RBFOX1: variants seen among roughly 807,000 people sequenced by gnomAD.
RBFOX1 encodes the protein RNA binding protein fox-1 homolog 1.
A neutral mutation model predicts 57.7 loss-of-function variants in RBFOX1; 8 were observed. The observed-to-expected ratio is 0.14, with a 90% CI of 0.08 to 0.25. The LOEUF (loss-of-function observed/expected upper bound fraction) is 0.25. Among genes scored for constraint, RBFOX1 ranks in the 10% least tolerant of loss-of-function variants. RBFOX1 has a pLI of 1.00. For synonymous variants in RBFOX1, 326 were observed against 222.4 expected, an observed-to-expected ratio of 1.47 and a Z score of -4.15; for missense variants, 611 against 548.5, an observed-to-expected ratio of 1.11 and a Z score of -1.14.
At chr16:6,992,831 C>G (rs1288684477) in intron 3 of RBFOX1, among the ~76,000 whole-genome samples, 1 of 86,176 alleles carries the variant, frequency 1.2e-5, no homozygotes, top group Non-Finnish European at 2.4e-5. Context: ...TGATTCCTTC[C>G]TTTTCCAAAA....
In RBFOX1 at chr16:7,091,443, A is replaced by C. The variant is rs181062104; in HGVS notation, c.27+39345A>C. On this transcript the variant is annotated intron_variant, in intron 4 of 15. Transcript: ENST00000550418. ...GAGAAGAGCAACAAGTCAAGTCAAG[A>C]ATTTCTGAGGGATGTTGAAAAGACG... is the stretch of plus-strand genomic sequence containing the variant. 2.0e-5 allele frequency among the ~76,000 whole-genome samples: 3 copies of C among 152,186 alleles called. No individual in the cohort carries two copies. In the East Asian group the frequency reaches 5.8e-4, roughly 29 times the overall value.
intron 2 of RBFOX1, among the ~76,000 whole-genome samples, chr16:6,399,783 T>C (rs2092994798): frequency 6.6e-6 from 1 of 152,100 alleles, no homozygotes; most frequent in Non-Finnish European, 1.5e-5. Context: ...AGAAAAGAGG[T>C]TTAATTGAAT....
chr16:5,254,169 A>G (rs1189631981), intron 1 of RBFOX1, among the ~76,000 whole-genome samples: 2 of 152,238 alleles, frequency 1.3e-5, no homozygotes, highest in Non-Finnish European at 2.9e-5. Flanking sequence ...CAGATGAGAA[A>G]GTTGAGGCTC....
intron 2 of RBFOX1, among the ~76,000 whole-genome samples, chr16:6,610,115 C>T (rs770896207): frequency 1.3e-5 from 2 of 152,092 alleles, no homozygotes; most frequent in African/African-American, 2.4e-5. Context: ...AGGTAGATGA[C>T]ATTCAAAGTG....
intron 4 of RBFOX1, among the ~76,000 whole-genome samples, chr16:5,870,455 G>T (rs921784325): frequency 2.0e-5 from 3 of 151,706 alleles, no homozygotes; most frequent in African/African-American, 7.3e-5. Context: ...ATGATGGGGT[G>T]GGGGAATGGT....
chr16:7,074,193 G>A (rs114504502), intron 4 of RBFOX1, among the ~76,000 whole-genome samples: 69 of 152,284 alleles, frequency 4.5e-4, no homozygotes, highest in African/African-American at 1.6e-3. Context: ...CCAAATGTTA[G>A]GATTGAAGTA....
At chr16:6,273,063 C>T (rs1246906842) in intron 1 of RBFOX1, among the ~76,000 whole-genome samples, 7 of 151,906 alleles carry the variant, frequency 4.6e-5, no homozygotes, top group Non-Finnish European at 1.0e-4. Context: ...AGTTCAAGAC[C>T]AGCCTGGCCA....
At chr16:6,431,148 A>T (rs1242070415) in intron 2 of RBFOX1, among the ~76,000 whole-genome samples, 2 of 151,858 alleles carry the variant, frequency 1.3e-5, no homozygotes, top group Non-Finnish European at 2.9e-5. Context: ...AAAAAATAAA[A>T]TTAAAAAGAT....
intron 4 of RBFOX1, among the ~76,000 whole-genome samples, chr16:7,074,208 A>G (rs556600430): frequency 5.9e-5 from 9 of 152,228 alleles, no homozygotes; most frequent in Non-Finnish European, 1.0e-4. Context: ...GAAGTAGACA[A>G]GGACTTTGAA....
intron 1 of RBFOX1, among the ~76,000 whole-genome samples, chr16:6,059,612 A>T (rs2095658317): frequency 6.6e-6 from 1 of 152,160 alleles, no homozygotes; most frequent in South Asian, 2.1e-4. Flanking sequence ...GGGTTCTCTG[A>T]GTAAATATAT....
At chr16:7,526,770 C>T (rs2078799056) in intron 5 of RBFOX1, among the ~76,000 whole-genome samples, 1 of 152,194 alleles carries the variant, frequency 6.6e-6, no homozygotes, top group Admixed American at 6.5e-5. Context: ...TTGGCCCTCC[C>T]CACCACGTAT....
chr16:7,253,913 C>G (rs527624227), intron 4 of RBFOX1, among the ~76,000 whole-genome samples: 1 of 152,112 alleles, frequency 6.6e-6, no homozygotes, highest in Non-Finnish European at 1.5e-5. Flanking sequence ...TCTGAAGAGT[C>G]TTTATATAGG....
intron 1 of RBFOX1, among the ~76,000 whole-genome samples, chr16:6,168,947 C>T (rs2096938091): frequency 6.6e-6 from 1 of 152,004 alleles, no homozygotes; most frequent in South Asian, 2.1e-4. Context: ...GTCTCTGTAA[C>T]AGAGAAGTTT....
intron 14 of RBFOX1, among the ~76,000 whole-genome samples, chr16:7,680,915 C>A (rs1024272573): frequency 6.6e-6 from 1 of 152,150 alleles, no homozygotes; most frequent in Non-Finnish European, 1.5e-5. Flanking sequence ...CACACACACA[C>A]ACTCACTTGT....
At chr16:6,972,052 T>A (rs2153570689) in intron 3 of RBFOX1, among the ~76,000 whole-genome samples, 2 of 152,314 alleles carry the variant, frequency 1.3e-5, no homozygotes, top group Middle Eastern at 6.8e-3. Flanking sequence ...CAAAGACTTT[T>A]GTTTCCTTAA....
chr16:5,380,515 G>T (rs190626585), intron 1 of RBFOX1, among the ~76,000 whole-genome samples: 1 of 152,270 alleles, frequency 6.6e-6, no homozygotes, highest in Non-Finnish European at 1.5e-5. Flanking sequence ...CATAGCAGAG[G>T]GTCTCCAAGT....
chr16:6,600,197 T>C (rs1163664443), intron 2 of RBFOX1, among the ~76,000 whole-genome samples: 2 of 152,136 alleles, frequency 1.3e-5, no homozygotes, highest in Admixed American at 1.3e-4. Flanking sequence ...CAAAGACACA[T>C]TTTTCCTTGA....
chr16:6,724,982 G>A (rs938841571), intron 3 of RBFOX1, among the ~76,000 whole-genome samples: 2 of 147,532 alleles, frequency 1.4e-5, no homozygotes, highest in African/African-American at 4.9e-5. Context: ...TACAAATAGT[G>A]TATAATGAGT....
intron 1 of RBFOX1, among the ~76,000 whole-genome samples, chr16:6,303,278 G>A (rs1439554068): frequency 2.6e-5 from 4 of 151,964 alleles, no homozygotes; most frequent in Non-Finnish European, 4.4e-5. Flanking sequence ...ACATCTTCCC[G>A]GGTCTGAATT....
Sources: allele counts gnomAD v4.1 joint callset (sites outside exome capture counted in the v4.1 genomes callset), GRCh38; gene constraint gnomAD v4.1.1; transcripts MANE v1.5; gene names NCBI Gene and HGNC (gene_info 2026-07-23, HGNC 2026-07-21).